Variants in RCAN2 observed in about 807,000 individuals in gnomAD.
RCAN2 encodes the protein calcipressin-2.
A neutral mutation model predicts 23.6 loss-of-function variants in RCAN2; 9 were observed. The ratio of observed to expected loss-of-function variants is 0.38; its 90% CI spans 0.23 to 0.67. The LOEUF (loss-of-function observed/expected upper bound fraction) is 0.67, where lower values mean the gene tolerates loss of function less well. Among genes scored for constraint, RCAN2 ranks in the 30% least tolerant of loss-of-function variants. The pLI, the probability that RCAN2 is intolerant of heterozygous loss-of-function variation, is 0.51. For missense variants in RCAN2, 273 were observed against 302.3 expected, an observed-to-expected ratio of 0.90 and a Z score of 0.72; for synonymous variants, 109 against 115.7, an observed-to-expected ratio of 0.94 and a Z score of 0.37.
At chr6:46,445,364 G>T (rs1459051797) in intron 2 of RCAN2, among the ~76,000 whole-genome samples, 1 of 152,194 alleles carries the variant, frequency 6.6e-6, no homozygotes, top group Non-Finnish European at 1.5e-5. Context: ...GCCTGCCCAA[G>T]GACTCAAGCA....
chr6:46,267,049 T>G (rs1246500907), intron 2 of RCAN2, among the ~76,000 whole-genome samples: 2 of 152,144 alleles, frequency 1.3e-5, no homozygotes, highest in Admixed American at 1.3e-4. Context: ...CTAGGATAAG[T>G]TTTTTCAAAA....
intron 1 of RCAN2, among the ~76,000 whole-genome samples, chr6:46,472,611 C>T (rs1768592582): frequency 6.6e-6 from 1 of 152,132 alleles, no homozygotes; most frequent in Non-Finnish European, 1.5e-5. Flanking sequence ...GACACAATTG[C>T]TGTACTGTAA....
At chr6:46,413,516 G>A (rs1158830650) in intron 2 of RCAN2, among the ~76,000 whole-genome samples, 1 of 152,144 alleles carries the variant, frequency 6.6e-6, no homozygotes, top group Non-Finnish European at 1.5e-5. Context: ...CATTAGGATG[G>A]AACAACAGTA....
chr6:46,272,597 A>G (rs1767556713), intron 2 of RCAN2, among the ~76,000 whole-genome samples: 1 of 152,210 alleles, frequency 6.6e-6, no homozygotes, highest in Non-Finnish European at 1.5e-5. Context: ...AAACAAAACA[A>G]TTGGAAAAAG....
At chr6:46,242,950 CA>C (rs1038409349) in intron 4 of RCAN2, among the ~76,000 whole-genome samples, 1 of 152,082 alleles carries the variant, frequency 6.6e-6, no homozygotes, top group Non-Finnish European at 1.5e-5. Flanking sequence ...CTGGGAATAC[CA>C]AAATGAATGA....
intron 2 of RCAN2, among the ~76,000 whole-genome samples, chr6:46,335,020 A>G (rs60277913): frequency 0.42 from 64,339 of 151,982 alleles, 15,024 homozygotes; most frequent in East Asian, 0.6. Flanking sequence ...CCTGTCTTCT[A>G]GGCATTGCAT....
intron 2 of RCAN2, among the ~76,000 whole-genome samples, chr6:46,323,378 A>T (rs1051598489): frequency 6.7e-6 from 1 of 148,694 alleles, no homozygotes; most frequent in African/African-American, 2.6e-5. Context: ...AGATTAGGTA[A>T]CCTTTCTAAA....
chr6:46,331,676 G>A (rs536341314), intron 2 of RCAN2, among the ~76,000 whole-genome samples: 96 of 152,300 alleles, frequency 6.3e-4, no homozygotes, highest in African/African-American at 2.2e-3. Context: ...CATATTTTAA[G>A]ATATCAATCT....
intron 1 of RCAN2, among the ~76,000 whole-genome samples, chr6:46,462,604 A>T (rs1768250511): frequency 6.6e-6 from 1 of 152,040 alleles, no homozygotes; most frequent in Admixed American, 6.5e-5. Context: ...CATTTAATAA[A>T]TGTTGTATGA....
chr6:46,368,162 A>T (rs1166112756), intron 2 of RCAN2, among the ~76,000 whole-genome samples: 1 of 152,220 alleles, frequency 6.6e-6, no homozygotes, highest in Non-Finnish European at 1.5e-5. Flanking sequence ...TGAATTGGTG[A>T]TTCCATGTTC....
intron 4 of RCAN2, among the ~76,000 whole-genome samples, chr6:46,236,730 T>A (rs937181507): frequency 9.2e-5 from 14 of 152,190 alleles, no homozygotes; most frequent in Admixed American, 7.2e-4. Context: ...AGTTTTAGCT[T>A]TTCAACTAAG....
intron 2 of RCAN2, among the ~76,000 whole-genome samples, chr6:46,323,966 T>C (rs769611973): frequency 1.3e-5 from 2 of 152,216 alleles, no homozygotes; most frequent in Non-Finnish European, 2.9e-5. Context: ...CAGATAACTG[T>C]TGAGGACAGA....
At chr6:46,364,545 C>T (rs1224800864) in intron 2 of RCAN2, among the ~76,000 whole-genome samples, 9 of 152,184 alleles carry the variant, frequency 5.9e-5, no homozygotes, top group African/African-American at 1.2e-4. Flanking sequence ...CATGTGCTTA[C>T]GCGGAGACTG....
At chr6:46,371,336 T>G (rs952331372) in intron 2 of RCAN2, among the ~76,000 whole-genome samples, 2 of 152,210 alleles carry the variant, frequency 1.3e-5, no homozygotes, top group Non-Finnish European at 2.9e-5. Flanking sequence ...GTCACATCCC[T>G]TAATATCTTT....
At chr6:46,444,226 A>G (rs1767633576) in intron 2 of RCAN2, among the ~76,000 whole-genome samples, 1 of 152,170 alleles carries the variant, frequency 6.6e-6, no homozygotes, top group African/African-American at 2.4e-5. Context: ...AGCAGTAACT[A>G]TCTGCTTTGT....
chr6:46,366,591 T>G (rs1765177356), intron 2 of RCAN2, among the ~76,000 whole-genome samples: 1 of 152,156 alleles, frequency 6.6e-6, no homozygotes, highest in Non-Finnish European at 1.5e-5. Flanking sequence ...AGTTGGTTTT[T>G]GAATGTGTCG....
chr6:46,378,236 G>A (rs190637612), intron 2 of RCAN2, among the ~76,000 whole-genome samples: 2 of 152,232 alleles, frequency 1.3e-5, no homozygotes, highest in East Asian at 1.9e-4. Flanking sequence ...GGCTTCTTAT[G>A]AGTGGATAAA....
chr6:46,296,773 G>T (rs1001224370), intron 2 of RCAN2, among the ~76,000 whole-genome samples: 2 of 151,930 alleles, frequency 1.3e-5, no homozygotes, highest in Non-Finnish European at 2.9e-5. Context: ...AACATAAAAA[G>T]CTACCAATCC....
At position 46,473,036 on chromosome 6, in the gene RCAN2, T is replaced by A. The variant is rs112796961; in HGVS notation, c.-2-16058A>T. 7.1e-3 allele frequency among the ~76,000 whole-genome samples: 1,085 copies of A among 152,312 alleles called. 12 individuals carry two copies. The highest frequency in any genetic ancestry group is 0.025 in the African/African-American group (1,035 of 41,562). ...TTTCCAGATAAATGTAGTTTTTAAT[T>A]TAAGTGACAATGTGATTTTCCTGGG... On this transcript the variant is annotated intron_variant, in intron 1 of 4. Transcript: ENST00000371374.
Sources: allele counts gnomAD v4.1 joint callset (sites outside exome capture counted in the v4.1 genomes callset), GRCh38; gene constraint gnomAD v4.1.1; transcripts MANE v1.5; gene names NCBI Gene and HGNC (gene_info 2026-07-23, HGNC 2026-07-21).